The following UGGT2 variants were observed in gnomAD, a reference collection of about 807,000 sequenced individuals.
UGGT2 encodes the protein UDP-glucose:glycoprotein glucosyltransferase 2.
UGGT2 carries 180 observed loss-of-function variants against 192.1 expected under a neutral mutation model. That is an observed-to-expected ratio of 0.94 (90% CI 0.83 to 1.06). The LOEUF is 1.06. Ranked by LOEUF, UGGT2 falls within the 50% of genes least tolerant of loss-of-function variation. UGGT2 has a pLI of 0.00. For synonymous variants in UGGT2, 580 were observed against 591.0 expected, an observed-to-expected ratio of 0.98 and a Z score of 0.27; for missense variants, 1,849 against 1,795.7, an observed-to-expected ratio of 1.03 and a Z score of -0.54.
At chr13:95,941,095 C>T (rs1035894546) in intron 15 of UGGT2, among the ~76,000 whole-genome samples, 1 of 152,064 alleles carries the variant, frequency 6.6e-6, no homozygotes, top group Admixed American at 6.5e-5. Context: ...CTTGAGTAGA[C>T]GACTAAGCTG....
intron 12 of UGGT2, among the ~76,000 whole-genome samples, chr13:95,952,233 CA>C (rs953511222): frequency 6.6e-6 from 1 of 151,596 alleles, no homozygotes; most frequent in Non-Finnish European, 1.5e-5. Context: ...AAGAAATTAA[CA>C]AAAAAAGATA....
chr13:96,003,146 T>C (rs763305952), intron 5 of UGGT2, among the ~76,000 whole-genome samples: 1 of 152,184 alleles, frequency 6.6e-6, no homozygotes, highest in Non-Finnish European at 1.5e-5. Context: ...CTGTGAGTAA[T>C]AAAGTTGCTT....
chr13:95,830,684 T>G (rs1247891880), intron 38 of UGGT2, among the ~76,000 whole-genome samples: 1 of 152,182 alleles, frequency 6.6e-6, no homozygotes, highest in Admixed American at 6.6e-5. Context: ...ATGGTAAGGC[T>G]GTAAACTAGT....
intron 1 of UGGT2, among the ~76,000 whole-genome samples, chr13:96,042,810 A>T (rs752536128): frequency 6.6e-6 from 1 of 152,040 alleles, no homozygotes; most frequent in Non-Finnish European, 1.5e-5. Flanking sequence ...TACAACAAAG[A>T]CAAAGAAAAA....
chr13:95,911,327 T>C (rs973412447), intron 20 of UGGT2, among the ~76,000 whole-genome samples: 3 of 152,040 alleles, frequency 2.0e-5, no homozygotes, highest in Admixed American at 6.6e-5. Flanking sequence ...ACAAAATTGA[T>C]AGACTGCTAG....
At chr13:95,835,550 G>C (rs1182532094) in intron 37 of UGGT2, among the ~76,000 whole-genome samples, 2 of 152,102 alleles carry the variant, frequency 1.3e-5, no homozygotes, top group Non-Finnish European at 2.9e-5. Context: ...ATTCTAACAT[G>C]CTGGCATGCT....
chr13:95,837,202 C>G lies in UGGT2; in HGVS notation c.4285G>C (p.Asp1429His). 2 of 1,604,788 alleles carry G rather than the reference C, an allele frequency of 1.2e-6. No individual in the cohort carries two copies. Among genetic ancestry groups the G allele is most frequent in the Non-Finnish European group, 1.7e-6 (2 of 1,171,840 alleles). Residue 1429 changes from aspartate (D) to histidine (H), a missense_variant and splice_region_variant, in exon 37 of 39, where the codon GAT becomes CAT. Physicochemically the swap from Asp to His is moderately conservative, Grantham distance 81. Coordinates refer to ENST00000376747, the MANE Select transcript of UGGT2 (RefSeq NM_020121.4). ...TGGTAAATCATATTATTGGGGAGAT[C>G]CTACAGAAAATTGTGATTTAATCAT... ...DPNSLSNLDQ[D>H]LPNNMIYQVA...
chr13:95,942,497 A>G (rs2049724447), intron 15 of UGGT2, among the ~76,000 whole-genome samples: 1 of 151,980 alleles, frequency 6.6e-6, no homozygotes, highest in Non-Finnish European at 1.5e-5. Flanking sequence ...CTTTATTTGC[A>G]TTTTTCAAAT....
At chr13:95,809,181 T>C in intron 38 of UGGT2, 1 of 465,272 alleles carries the variant, frequency 2.1e-6, no homozygotes, top group Non-Finnish European at 4.2e-6. Context: ...TGGGATTCCT[T>C]CCTTCTTCAA....
At chr13:95,814,736 T>C (rs1391605570) in intron 38 of UGGT2, among the ~76,000 whole-genome samples, 2 of 152,162 alleles carry the variant, frequency 1.3e-5, no homozygotes, top group African/African-American at 4.8e-5. Context: ...ACTCATTCTA[T>C]TAGACAAGCA....
chr13:95,980,954 T>C (rs965329015), intron 10 of UGGT2, among the ~76,000 whole-genome samples: 2 of 152,166 alleles, frequency 1.3e-5, no homozygotes, highest in Admixed American at 6.5e-5. Context: ...GCCAAGATCA[T>C]GCCACTGCAC....
chr13:96,041,303 G>A (rs1442986629), intron 1 of UGGT2, among the ~76,000 whole-genome samples: 1 of 152,126 alleles, frequency 6.6e-6, no homozygotes, highest in Admixed American at 6.5e-5. Flanking sequence ...AGAGAGCCAA[G>A]CAAAATACAA....
intron 22 of UGGT2, among the ~76,000 whole-genome samples, chr13:95,899,726 T>C (rs144997755): frequency 9.3e-4 from 142 of 152,238 alleles, no homozygotes; most frequent in African/African-American, 3.3e-3. Context: ...TTTTAAAAGC[T>C]GTATTTCCTC....
At chr13:95,805,814 T>A (rs1848119397) in intron 38 of UGGT2, among the ~76,000 whole-genome samples, 1 of 151,958 alleles carries the variant, frequency 6.6e-6, no homozygotes, top group South Asian at 2.1e-4. Flanking sequence ...AGTTTCAGAT[T>A]TGCAACATGA....
At chr13:95,905,133 T>C (rs2048243192) in intron 20 of UGGT2, among the ~76,000 whole-genome samples, 1 of 152,046 alleles carries the variant, frequency 6.6e-6, no homozygotes, top group Admixed American at 6.5e-5. Flanking sequence ...GCCCACTTTG[T>C]GATGGGGTTG....
intron 8 of UGGT2, among the ~76,000 whole-genome samples, chr13:95,988,923 T>C (rs888337155): frequency 6.6e-6 from 1 of 152,142 alleles, no homozygotes; most frequent in Non-Finnish European, 1.5e-5. Context: ...ATAATCCAGA[T>C]GAAATATAAA....
rs980934605 is a variant in UGGT2, at chr13:96,007,261, C to A, written c.660+6046G>T. ...AATTCAACATCTCTTTCTGACAAGT[C>A]CCTCCCCCCCAACAAACTAGGTATA... is the stretch of plus-strand genomic sequence containing the variant. On this transcript the variant is annotated intron_variant, in intron 5 of 38. Coordinates refer to ENST00000376747, the MANE Select transcript of UGGT2 (RefSeq NM_020121.4). Among the ~76,000 whole-genome samples, 5 of 152,170 alleles carry A rather than the reference C, an allele frequency of 3.3e-5. No homozygotes were observed. The East Asian group carries it at 9.7e-4, about 29-fold the overall frequency.
chr13:95,957,437 C>A (rs9584331), intron 12 of UGGT2, among the ~76,000 whole-genome samples: 6,066 of 152,166 alleles, frequency 0.04, 267 homozygotes, highest in East Asian at 0.11. Context: ...GGGTTTGGGG[C>A]CTGTGGTAGT....
At chr13:95,926,909 T>G (rs545149467) in intron 19 of UGGT2, 119 bp downstream of exon 19, 13 of 890,852 alleles carry the variant, frequency 1.5e-5, no homozygotes, top group Middle Eastern at 3.5e-4. Context: ...ACTCTAAAAT[T>G]GAAATCTAGG....
Sources: allele counts gnomAD v4.1 joint callset (sites outside exome capture counted in the v4.1 genomes callset), GRCh38; gene constraint gnomAD v4.1.1; transcripts MANE v1.5; gene names NCBI Gene and HGNC (gene_info 2026-07-23, HGNC 2026-07-21).